The following NRXN1 variants were observed in gnomAD, a reference collection of about 807,000 sequenced individuals.
NRXN1 encodes neurexin 1, also known as neurexin-1.
NRXN1 carries 39 observed loss-of-function variants against 150.9 expected under a neutral mutation model. The observed-to-expected ratio is 0.26, with a 90% CI of 0.20 to 0.34. The LOEUF (loss-of-function observed/expected upper bound fraction) is 0.34, where lower values mean the gene tolerates loss of function less well. NRXN1 is among the 10% of genes least tolerant of loss of function. The pLI is 1.00. For synonymous variants in NRXN1, 924 were observed against 757.0 expected (o/e 1.22, Z -3.62); for missense variants, 1,815 against 1,949.9 (o/e 0.93, Z 1.30).
At chr2:50,000,317 A>C (rs1043712674) in intron 21 of NRXN1, among the ~76,000 whole-genome samples, 3 of 152,200 alleles carry the variant, frequency 2.0e-5, no homozygotes, top group Non-Finnish European at 2.9e-5. Context: ...ATTTCCATTA[A>C]ACATTTGTGT....
chr2:50,467,176 G>T (rs1435054531), intron 16 of NRXN1, among the ~76,000 whole-genome samples: 1 of 151,672 alleles, frequency 6.6e-6, no homozygotes, highest in African/African-American at 2.4e-5. Flanking sequence ...TGCCACTTAT[G>T]AATTTCAGAG....
At chr2:50,645,861 C>T (rs1285486780) in intron 5 of NRXN1, among the ~76,000 whole-genome samples, 2 of 151,872 alleles carry the variant, frequency 1.3e-5, no homozygotes, top group South Asian at 2.1e-4. Context: ...ACATGATTCC[C>T]AGTCTAAGGA....
chr2:50,404,425 T>C (rs540247725), intron 17 of NRXN1, among the ~76,000 whole-genome samples: 63 of 152,136 alleles, frequency 4.1e-4, no homozygotes, highest in Non-Finnish European at 7.1e-4. Context: ...GGAAACCCAC[T>C]GAGTTTTTAG....
In NRXN1 at chr2:50,511,093, C is replaced by T. The variant is rs150561039; in HGVS notation, c.2375-4476G>A. ...TAATTATTATTAAGACAGAATCTCG[C>T]TCTGTTGCTCAGGCTAGAGTGCAGT... On this transcript the variant is annotated intron_variant, in intron 12 of 22. Coordinates refer to ENST00000401669, the MANE Select transcript of NRXN1 (RefSeq NM_001330078.2). Among the ~76,000 whole-genome samples the T allele has an allele frequency of 9.9e-5, 15 of 151,938 alleles. No individual in the cohort carries two copies. In the East Asian group the frequency reaches 2.7e-3, roughly 27 times the overall value.
intron 17 of NRXN1, among the ~76,000 whole-genome samples, chr2:50,320,604 G>T (rs895289925): frequency 4.6e-5 from 7 of 151,834 alleles, no homozygotes. Context: ...GAACTAGAAA[G>T]AGAGCTAGGA....
At chr2:50,641,653 C>G (rs879486806) in intron 5 of NRXN1, among the ~76,000 whole-genome samples, 3 of 152,042 alleles carry the variant, frequency 2.0e-5, no homozygotes, top group Non-Finnish European at 4.4e-5. Context: ...AGATTTGAGG[C>G]ATCTCTTAGG....
chr2:50,561,208 GA>G (rs753051485), intron 8 of NRXN1, among the ~76,000 whole-genome samples: 13 of 152,208 alleles, frequency 8.5e-5, no homozygotes, highest in Non-Finnish European at 1.9e-4. Context: ...CATGGGAGTT[GA>G]AAGACTGAGT....
intron 8 of NRXN1, among the ~76,000 whole-genome samples, chr2:50,599,508 T>C (rs937788826): frequency 6.6e-6 from 1 of 152,188 alleles, no homozygotes; most frequent in African/African-American, 2.4e-5. Context: ...AAAATTATGA[T>C]ATAATAAAGA....
chr2:50,040,957 CTG>C lies in NRXN1; in HGVS notation c.4128+12312_4128+12313del, dbSNP rs546927881. On this transcript the variant is annotated intron_variant, in intron 21 of 22. Coordinates refer to ENST00000401669, the MANE Select transcript of NRXN1 (RefSeq NM_001330078.2). ...TGTAAACATGTGCCATGTTGGTGTG[CTG>C]CACCCATTAACTCGTCATTTACATT... 2.2e-4 allele frequency among the ~76,000 whole-genome samples: 34 copies of C among 152,074 alleles called. No homozygotes were observed. In the South Asian group the frequency reaches 2.9e-3, roughly 13 times the overall value.
chr2:50,197,075 T>C (rs1182586428), intron 18 of NRXN1, among the ~76,000 whole-genome samples: 2 of 152,148 alleles, frequency 1.3e-5, no homozygotes, highest in African/African-American at 4.8e-5. Flanking sequence ...TTTAAAAATA[T>C]ATCAAATGTT....
At chr2:50,485,125 C>A (rs1332817542) in intron 15 of NRXN1, among the ~76,000 whole-genome samples, 1 of 152,134 alleles carries the variant, frequency 6.6e-6, no homozygotes, top group Non-Finnish European at 1.5e-5. Flanking sequence ...ACTAATAATT[C>A]ACTGATCTAA....
At position 50,347,145 on chromosome 2, in the gene NRXN1, C is replaced by G. The variant is rs2152997964; in HGVS notation, c.3365-110175G>C. ...AGTCCGCCGTGCCTAGCACCCCAAACAATCCGAAACATAGCCGAGGCGAAT... is the reference window on the plus strand; with the variant it reads ...AGTCCGCCGTGCCTAGCACCCCAAAGAATCCGAAACATAGCCGAGGCGAAT... On this transcript the variant is annotated intron_variant, in intron 17 of 22. Transcript: ENST00000401669. The surrounding 1 kb of genome is among the most constrained non-coding windows in gnomAD (Gnocchi z 4.9). The G allele has an allele frequency of 7.2e-7, 1 of 1,380,116 alleles. No homozygotes were observed. Among genetic ancestry groups the G allele is most frequent in the Non-Finnish European group, 9.5e-7 (1 of 1,048,844 alleles). The allele number at this position is 1,380,116 out of a possible 1,614,324, so 85.5% of individuals were successfully genotyped here. A position where few individuals can be genotyped will look rare whatever the true frequency, so the allele number is the denominator to read the frequency against.
At chr2:50,658,115 G>A (rs1016402896) in intron 5 of NRXN1, among the ~76,000 whole-genome samples, 2 of 151,850 alleles carry the variant, frequency 1.3e-5, no homozygotes, top group Admixed American at 6.6e-5. Context: ...CCTTTGTTTA[G>A]TTCAATGTGA....
intron 5 of NRXN1, among the ~76,000 whole-genome samples, chr2:50,888,335 G>A (rs1164565683): frequency 2.6e-5 from 4 of 151,600 alleles, no homozygotes; most frequent in African/African-American, 9.7e-5. Context: ...TTGGAGGCAG[G>A]TGAAATTCAG....
chr2:50,958,068 G>T (rs897138989), intron 2 of NRXN1, among the ~76,000 whole-genome samples: 1 of 151,998 alleles, frequency 6.6e-6, no homozygotes, highest in Non-Finnish European at 1.5e-5. Context: ...TTTGTCTTGC[G>T]CAATTGTCTC....
rs150200939 is a variant in NRXN1, at chr2:50,945,214, C to T, written c.773-19259G>A. 7.2e-5 allele frequency among the ~76,000 whole-genome samples: 11 copies of T among 152,308 alleles called. No homozygotes were observed. In the East Asian group the frequency reaches 2.1e-3, roughly 29 times the overall value. On this transcript the variant is annotated intron_variant, in intron 2 of 22. Transcript: ENST00000401669. ...TATAGGCTGAGCTCATTGGCTCATG[C>T]CTGTAATTCCAGCAATTTGGGAGGC...
intron 8 of NRXN1, among the ~76,000 whole-genome samples, chr2:50,554,968 A>C (rs1016545989): frequency 2.0e-5 from 3 of 152,174 alleles, no homozygotes; most frequent in Non-Finnish European, 4.4e-5. Flanking sequence ...ACTTTTTTGA[A>C]AAGAGAAAGA....
chr2:50,295,209 A>C (rs2073420791), intron 17 of NRXN1, among the ~76,000 whole-genome samples: 1 of 152,192 alleles, frequency 6.6e-6, no homozygotes, highest in African/African-American at 2.4e-5. Context: ...TTTGAAACTT[A>C]AGTTTCAGTA....
intron 5 of NRXN1, chr2:50,840,916 C>A (rs979479183): frequency 6.6e-6 from 1 of 152,156 alleles, no homozygotes; most frequent in African/African-American, 2.4e-5. Context: ...AGATGTGTAA[C>A]GCTTACTTCC....
Sources: gnomAD v4.1 joint callset for allele counts (sites outside exome capture counted in the v4.1 genomes callset) on GRCh38, gnomAD v4.1.1 for gene constraint, Gnocchi (gnomAD v3.1) non-coding constraint, MANE v1.5 for transcripts, NCBI Gene and HGNC (gene_info 2026-07-23, HGNC 2026-07-21) for gene names.